The following NEBL variants were observed in gnomAD, a reference collection of about 807,000 sequenced individuals.
NEBL encodes nebulette.
A neutral mutation model predicts 140.2 loss-of-function variants in NEBL; 122 were observed. That is an observed-to-expected ratio of 0.87 (90% CI 0.75 to 1.01). The LOEUF is 1.01. Ranked by LOEUF, NEBL falls within the 50% of genes least tolerant of loss-of-function variation. The probability of loss-of-function intolerance (pLI) is 0.00; values close to 1 mark genes in which losing one functional copy is unlikely to be tolerated. For missense variants in NEBL, 1,365 were observed against 1,231.3 expected (o/e 1.11, Z -1.62); for synonymous variants, 436 against 398.9 (o/e 1.09, Z -1.11).
At chr10:20,910,746 C>A (rs1262802587) in intron 4 of NEBL, among the ~76,000 whole-genome samples, 1 of 152,012 alleles carries the variant, frequency 6.6e-6, no homozygotes, top group African/African-American at 2.4e-5. Context: ...CACCAGGGTA[C>A]AAGGAATTCA....
At chr10:20,979,283 G>T (rs1292795094) in intron 3 of NEBL, among the ~76,000 whole-genome samples, 1 of 151,328 alleles carries the variant, frequency 6.6e-6, no homozygotes, top group Admixed American at 6.6e-5. Flanking sequence ...ACACATATAA[G>T]ATTGTATTTT....
In NEBL at chr10:20,785,894, A is replaced by G; in HGVS notation, c.2898T>C (p.Ser966=). 6.2e-7 allele frequency: 1 copy of G among 1,614,044 alleles called. No homozygotes were observed. The highest frequency in any genetic ancestry group is 8.5e-7 in the Non-Finnish European group (1 of 1,179,944). The change falls in exon 28 of 28, where the codon AGT becomes AGC. Residue 966 remains serine (S), a synonymous_variant. Coordinates refer to ENST00000377122, the MANE Select transcript of NEBL (RefSeq NM_006393.3). ...LRTYRAMYDY[S]AQDEDEVSFR... ...AGGAGACCTCGTCTTCATCCTGGGC[A>G]CTGTAATCGTACATGGCTCGGTAGG...
chr10:20,981,817 G>A (rs949989700), intron 3 of NEBL, among the ~76,000 whole-genome samples: 1 of 152,186 alleles, frequency 6.6e-6, no homozygotes, highest in African/African-American at 2.4e-5. Context: ...CAGAAGACAT[G>A]AATTGAGAGA....
chr10:21,272,020 T>C (rs6482173), intron 1 of NEBL, among the ~76,000 whole-genome samples: 26,737 of 150,794 alleles, frequency 0.18, 3,908 homozygotes, highest in African/African-American at 0.41. Flanking sequence ...TGCAGTGGTG[T>C]AATCTCAGCT....
intron 3 of NEBL, among the ~76,000 whole-genome samples, chr10:21,233,246 T>C (rs11595400): frequency 0.04 from 6,134 of 152,142 alleles, 193 homozygotes; most frequent in South Asian, 0.14. Flanking sequence ...TGAGGTTTCA[T>C]CATGTTGCCC....
At chr10:21,152,059 AT>A (rs1182145887) in intron 2 of NEBL, among the ~76,000 whole-genome samples, 1 of 152,236 alleles carries the variant, frequency 6.6e-6, no homozygotes, top group African/African-American at 2.4e-5. Context: ...GAACAAATGA[AT>A]TCCATCATTA....
At chr10:20,876,151 A>G (rs1360997244) in intron 5 of NEBL, among the ~76,000 whole-genome samples, 2 of 152,284 alleles carry the variant, frequency 1.3e-5, no homozygotes, top group African/African-American at 4.8e-5. Flanking sequence ...AAGTAAAAGT[A>G]GGTTCTGATA....
At chr10:20,843,626 A>T (rs1477600508) in intron 12 of NEBL, among the ~76,000 whole-genome samples, 1 of 152,120 alleles carries the variant, frequency 6.6e-6, no homozygotes, top group Non-Finnish European at 1.5e-5. Flanking sequence ...AAATTGTTTT[A>T]AAAATAATTA....
chr10:21,078,781 AAG>A (rs1836225891), intron 2 of NEBL, among the ~76,000 whole-genome samples: 1 of 152,224 alleles, frequency 6.6e-6, no homozygotes, highest in Non-Finnish European at 1.5e-5. Flanking sequence ...TAGAAAGAAA[AAG>A]AGTAAGAGAC....
intron 5 of NEBL, among the ~76,000 whole-genome samples, chr10:20,870,121 G>A (rs930052911): frequency 4.6e-5 from 7 of 151,974 alleles, no homozygotes; most frequent in Admixed American, 3.9e-4. Flanking sequence ...GAGGTCAGGA[G>A]TTCGAGACCA....
intron 2 of NEBL, chr10:21,126,200 A>C (rs1447499319): frequency 3.6e-6 from 5 of 1,404,586 alleles, no homozygotes; most frequent in Admixed American, 4.2e-5. Flanking sequence ...CCACATTTGG[A>C]ATAATAACAA....
intron 3 of NEBL, among the ~76,000 whole-genome samples, chr10:20,984,051 A>C (rs1476696660): frequency 6.6e-6 from 1 of 152,118 alleles, no homozygotes; most frequent in Non-Finnish European, 1.5e-5. Flanking sequence ...CAAAACCTAC[A>C]AGGGAGGGAA....
chr10:21,113,789 G>A (rs1332811052), intron 2 of NEBL, among the ~76,000 whole-genome samples: 1 of 151,912 alleles, frequency 6.6e-6, no homozygotes, highest in African/African-American at 2.4e-5. Context: ...GGTCAGACAT[G>A]GAAATAGTGG....
At chr10:20,787,944 C>A (rs887248350) in intron 26 of NEBL, among the ~76,000 whole-genome samples, 2 of 152,164 alleles carry the variant, frequency 1.3e-5, no homozygotes, top group African/African-American at 2.4e-5. Context: ...AAATACGTTA[C>A]AAAAGCCTGA....
chr10:21,145,898 G>A (rs1839867663), intron 2 of NEBL, among the ~76,000 whole-genome samples: 1 of 152,134 alleles, frequency 6.6e-6, no homozygotes, highest in African/African-American at 2.4e-5. Flanking sequence ...CATTAGGTGA[G>A]GCTCGGCTCT....
At chr10:20,845,425 G>C (rs1459537773) in intron 11 of NEBL, 57 bp from the exon 12 acceptor site, 12 of 1,123,542 alleles carry the variant, frequency 1.1e-5, no homozygotes, top group Non-Finnish European at 1.5e-5. Flanking sequence ...CCATTGAAAA[G>C]AGATTTGAAC....
intron 2 of NEBL, among the ~76,000 whole-genome samples, chr10:21,042,899 A>G (rs766413690): frequency 9.9e-5 from 15 of 152,266 alleles, no homozygotes; most frequent in Non-Finnish European, 2.1e-4. Context: ...AACCACATGA[A>G]AAGTAAAAGT....
chr10:21,251,638 T>C (rs1300401785), intron 2 of NEBL, among the ~76,000 whole-genome samples: 3 of 152,120 alleles, frequency 2.0e-5, no homozygotes, highest in African/African-American at 7.2e-5. Flanking sequence ...CTAATACCAA[T>C]GTAATGGCAT....
At chr10:20,789,642 G>A (rs1330940887) in intron 26 of NEBL, among the ~76,000 whole-genome samples, 1 of 152,096 alleles carries the variant, frequency 6.6e-6, no homozygotes, top group Non-Finnish European at 1.5e-5. Context: ...GAGCCCAGAA[G>A]TTTTGAGACC....
Sources: gnomAD v4.1 joint callset for allele counts (sites outside exome capture counted in the v4.1 genomes callset) on GRCh38, gnomAD v4.1.1 for gene constraint, MANE v1.5 for transcripts, NCBI Gene and HGNC (gene_info 2026-07-23, HGNC 2026-07-21) for gene names.